The following RAMP3 variants were observed in gnomAD, a reference collection of about 807,000 sequenced individuals.
RAMP3 encodes receptor activity-modifying protein 3.
In RAMP3, 14 loss-of-function variants were observed where a neutral mutation model predicts 13.5. That is an observed-to-expected ratio of 1.04 (90% CI 0.69 to 1.63). The LOEUF (loss-of-function observed/expected upper bound fraction) is 1.63. Among genes scored for constraint, RAMP3 ranks in the 40% most tolerant of loss-of-function variants. The probability of loss-of-function intolerance (pLI) is 0.00; values close to 1 mark genes in which losing one functional copy is unlikely to be tolerated. For missense variants in RAMP3, 200 were observed against 204.8 expected (o/e 0.98, Z 0.14); for synonymous variants, 106 against 88.3 (o/e 1.20, Z -1.12).
At chr7:45,175,465 C>T (rs1786162901) in intron 1 of RAMP3, among the ~76,000 whole-genome samples, 1 of 152,302 alleles carries the variant, frequency 6.6e-6, no homozygotes, top group East Asian at 1.9e-4. Context: ...GCTTCTCAGA[C>T]CACCTGCTGG....
chr7:45,167,567 T>A (rs1007908691), intron 1 of RAMP3, among the ~76,000 whole-genome samples: 10 of 151,570 alleles, frequency 6.6e-5, no homozygotes, highest in East Asian at 5.8e-4. Flanking sequence ...TCTTTTTTTT[T>A]TTTTTTTATT....
At chr7:45,162,745 G>C (rs983111509) in intron 1 of RAMP3, among the ~76,000 whole-genome samples, 1 of 152,184 alleles carries the variant, frequency 6.6e-6, no homozygotes, top group Non-Finnish European at 1.5e-5. Context: ...AATGGGGCAA[G>C]GGTCTGCCAG....
intron 1 of RAMP3, among the ~76,000 whole-genome samples, chr7:45,175,521 G>A (rs1269136931): frequency 3.9e-5 from 6 of 152,218 alleles, no homozygotes; most frequent in Admixed American, 3.9e-4. Flanking sequence ...GACCCCCAGG[G>A]GCCCTTCTCA....
At chr7:45,173,585 G>T (rs1203460851) in intron 1 of RAMP3, among the ~76,000 whole-genome samples, 1 of 152,210 alleles carries the variant, frequency 6.6e-6, no homozygotes, top group Non-Finnish European at 1.5e-5. Flanking sequence ...AGCAGGAGGT[G>T]GTGGGCAGTG....
At chr7:45,170,361 C>T (rs770298441) in intron 1 of RAMP3, among the ~76,000 whole-genome samples, 6 of 151,972 alleles carry the variant, frequency 3.9e-5, no homozygotes, top group Middle Eastern at 3.4e-3. Context: ...ATTTTTGAGA[C>T]GGAGTCTTGC....
rs765190909 is a variant in RAMP3 at position 45,157,854 on chromosome 7, C to G, written c.26C>G (p.Pro9Arg). Residue 9 changes from proline to arginine, a missense_variant, in exon 1 of 3, where the codon CCG (proline) becomes CGG (arginine). Physicochemically the swap from Pro to Arg is moderately radical, Grantham distance 103 (BLOSUM62 -2). Transcript: ENST00000242249. Reference sequence around the variant, plus strand: ...ATGGAGACTGGAGCGCTGCGGCGCCCGCAACTTCTCCCGTTGCTGCTGCTG... The same window carrying G: ...ATGGAGACTGGAGCGCTGCGGCGCCGGCAACTTCTCCCGTTGCTGCTGCTG... METGALRR[P>R]QLLPLLLLLC... The G allele has an allele frequency of 2.8e-6, 4 of 1,420,638 alleles. No homozygotes were observed. Among genetic ancestry groups the G allele is most frequent in the Middle Eastern group, 3.9e-4 (2 of 5,122 alleles). The allele number at this position is 1,420,638 out of a possible 1,614,324, so 88.0% of individuals were successfully genotyped here.
At chr7:45,170,971 C>T (rs556272386) in intron 1 of RAMP3, among the ~76,000 whole-genome samples, 333 of 151,942 alleles carry the variant, frequency 2.2e-3, no homozygotes, top group African/African-American at 7.5e-3. Flanking sequence ...AAATTTTTCT[C>T]CAAGTACTGT....
chr7:45,181,577 A>G (rs1351880846), intron 2 of RAMP3, among the ~76,000 whole-genome samples: 2 of 152,202 alleles, frequency 1.3e-5, no homozygotes, highest in Non-Finnish European at 2.9e-5. Context: ...CATCACACAC[A>G]TAGATGCTGG....
At chr7:45,182,829 G>C (rs1004243123) in intron 2 of RAMP3, among the ~76,000 whole-genome samples, 9 of 152,198 alleles carry the variant, frequency 5.9e-5, no homozygotes, top group Admixed American at 1.3e-4. Context: ...CCCTGGAGAA[G>C]CATGGCTTGG....
At chr7:45,166,972 T>TTTTTTTTTG (rs1785975272) in intron 1 of RAMP3, among the ~76,000 whole-genome samples, 1 of 149,662 alleles carries the variant, frequency 6.7e-6, no homozygotes, top group African/African-American at 2.5e-5. Flanking sequence ...TTTTTTTTTT[T>TTTTTTTTTG]TTTGAGACAG....
chr7:45,179,701 T>C (rs1786264384), intron 2 of RAMP3, among the ~76,000 whole-genome samples: 1 of 151,882 alleles, frequency 6.6e-6, no homozygotes, highest in African/African-American at 2.4e-5. Flanking sequence ...TAGTAGGAAT[T>C]CTAGAAAGAG....
intron 1 of RAMP3, among the ~76,000 whole-genome samples, chr7:45,173,605 T>C (rs148507092): frequency 6.6e-6 from 1 of 152,290 alleles, no homozygotes; most frequent in Non-Finnish European, 1.5e-5. Flanking sequence ...GGTTTTTACG[T>C]CCAAGTTTCC....
intron 1 of RAMP3, among the ~76,000 whole-genome samples, chr7:45,165,397 C>T (rs180918047): frequency 6.6e-6 from 1 of 152,138 alleles, no homozygotes. Flanking sequence ...TGATCTCCTC[C>T]ATTCCTTTGC....
intron 2 of RAMP3, among the ~76,000 whole-genome samples, chr7:45,178,005 C>T (rs1786228601): frequency 6.6e-6 from 1 of 151,132 alleles, no homozygotes; most frequent in African/African-American, 2.4e-5. Flanking sequence ...GGTGGCCTGG[C>T]CTGGGGGGTG....
At chr7:45,168,457 C>T (rs370227952) in intron 1 of RAMP3, among the ~76,000 whole-genome samples, 69 of 144,312 alleles carry the variant, frequency 4.8e-4, no homozygotes, top group Non-Finnish European at 7.8e-4. Flanking sequence ...TTATACTTTT[C>T]GGAGTACAAG....
chr7:45,164,346 G>A (rs938229261), intron 1 of RAMP3, among the ~76,000 whole-genome samples: 3 of 151,856 alleles, frequency 2.0e-5, no homozygotes, highest in Admixed American at 1.3e-4. Context: ...CCTAGCCTGG[G>A]TAATATGAGA....
chr7:45,183,858 C>T lies in RAMP3; in HGVS notation c.*446C>T. On this transcript the variant is annotated 3_prime_UTR_variant, in exon 3 of 3. Coordinates refer to ENST00000242249, the MANE Select transcript of RAMP3 (RefSeq NM_005856.3). ...TTCCTGCCCTGGCTCCTGCACCAGC[C>T]CCAGCTCCTGCCTACATCCAGGCAG... is the stretch of plus-strand genomic sequence containing the variant. 1 of 434,172 alleles carries T rather than the reference C, an allele frequency of 2.3e-6. No individual in the cohort carries two copies. The highest frequency in any genetic ancestry group is 4.0e-6 in the Non-Finnish European group (1 of 247,092). The allele number at this position is 434,172 out of a possible 1,614,324, so 26.9% of individuals were successfully genotyped here. A position where few individuals can be genotyped will look rare whatever the true frequency, so the allele number is the denominator to read the frequency against.
chr7:45,168,065 G>A (rs1220936887), intron 1 of RAMP3, among the ~76,000 whole-genome samples: 2 of 152,082 alleles, frequency 1.3e-5, no homozygotes, highest in Non-Finnish European at 2.9e-5. Context: ...GTTCCAATGT[G>A]TTAACATAGG....
At chr7:45,179,275 A>AC (rs1265106352) in intron 2 of RAMP3, among the ~76,000 whole-genome samples, 16 of 151,794 alleles carry the variant, frequency 1.1e-4, no homozygotes, top group South Asian at 1.0e-3. Flanking sequence ...AGAAGCAGTG[A>AC]CCCCCCCAAC....
Sources: allele counts gnomAD v4.1 joint callset (sites outside exome capture counted in the v4.1 genomes callset), GRCh38; gene constraint gnomAD v4.1.1; transcripts MANE v1.5; gene names NCBI Gene and HGNC (gene_info 2026-07-23, HGNC 2026-07-21).